Variants in ADAMTSL1 observed in about 807,000 individuals in gnomAD.
ADAMTSL1 encodes the protein ADAMTS-like protein 1.
Under a neutral mutation model 201.8 loss-of-function variants are expected in ADAMTSL1, and 126 were observed. The ratio of observed to expected loss-of-function variants is 0.62; its 90% CI spans 0.54 to 0.72. The LOEUF is 0.72. Among genes scored for constraint, ADAMTSL1 ranks in the 30% least tolerant of loss-of-function variants. The pLI, the probability that ADAMTSL1 is intolerant of heterozygous loss-of-function variation, is 0.00. For missense variants in ADAMTSL1, 2,679 were observed against 2,277.8 expected, an observed-to-expected ratio of 1.18 and a Z score of -3.59; for synonymous variants, 1,121 against 903.4, an observed-to-expected ratio of 1.24 and a Z score of -4.32.
At chr9:18,010,429 A>G (rs1446600689) in intron 1 of ADAMTSL1, among the ~76,000 whole-genome samples, 1 of 152,052 alleles carries the variant, frequency 6.6e-6, no homozygotes, top group Non-Finnish European at 1.5e-5. Flanking sequence ...AACACATCGA[A>G]ATAAAGGATT....
At chr9:18,594,189 A>C (rs1824108609) in intron 4 of ADAMTSL1, among the ~76,000 whole-genome samples, 1 of 147,700 alleles carries the variant, frequency 6.8e-6, no homozygotes, top group Non-Finnish European at 1.5e-5. Context: ...GTATTTTCCC[A>C]CTCCTTCCTG....
chr9:18,739,821 A>G (rs1352657537), intron 15 of ADAMTSL1, among the ~76,000 whole-genome samples: 2 of 152,112 alleles, frequency 1.3e-5, no homozygotes, highest in African/African-American at 4.8e-5. Context: ...CACTGCCCAC[A>G]GGGGTGTGTA....
At chr9:18,064,218 G>A (rs1206842936) in intron 1 of ADAMTSL1, among the ~76,000 whole-genome samples, 1 of 152,118 alleles carries the variant, frequency 6.6e-6, no homozygotes, top group Non-Finnish European at 1.5e-5. Flanking sequence ...GCAAGGAGAA[G>A]GGTGTGGGTT....
chr9:18,629,948 GGATT>G (rs1826641069), intron 5 of ADAMTSL1, among the ~76,000 whole-genome samples: 1 of 151,568 alleles, frequency 6.6e-6, no homozygotes, highest in South Asian at 2.1e-4. Context: ...TTCTGTGTTT[GGATT>G]GATTGATTTT....
intron 1 of ADAMTSL1, among the ~76,000 whole-genome samples, chr9:17,936,986 T>C (rs986941809): frequency 5.3e-5 from 8 of 152,122 alleles, no homozygotes; most frequent in African/African-American, 1.7e-4. Flanking sequence ...CCATGCAGGA[T>C]GCAGCATGGT....
At chr9:18,897,400 C>T (rs1829712780) in intron 26 of ADAMTSL1, among the ~76,000 whole-genome samples, 1 of 152,206 alleles carries the variant, frequency 6.6e-6, no homozygotes, top group African/African-American at 2.4e-5. Context: ...TTCCTGATCC[C>T]ATCCCTCCTG....
chr9:18,693,145 C>T (rs562704546), intron 13 of ADAMTSL1, among the ~76,000 whole-genome samples: 34 of 152,286 alleles, frequency 2.2e-4, no homozygotes, highest in African/African-American at 6.5e-4. Flanking sequence ...AATGCTCCAG[C>T]GCTTCACTGC....
chr9:18,062,846 T>G (rs1257221423), intron 1 of ADAMTSL1, among the ~76,000 whole-genome samples: 1 of 152,200 alleles, frequency 6.6e-6, no homozygotes, highest in Non-Finnish European at 1.5e-5. Flanking sequence ...GATGAAATCT[T>G]CCATTAAACA....
intron 2 of ADAMTSL1, among the ~76,000 whole-genome samples, chr9:18,433,816 T>C (rs1438284142): frequency 6.6e-6 from 1 of 152,214 alleles, no homozygotes; most frequent in African/African-American, 2.4e-5. Context: ...CATAAAATTG[T>C]AACAGATCTG....
intron 1 of ADAMTSL1, among the ~76,000 whole-genome samples, chr9:17,963,125 G>C (rs1755284): frequency 0.61 from 93,284 of 152,088 alleles, 29,071 homozygotes; most frequent in East Asian, 0.92. Flanking sequence ...TAGTTTGTGT[G>C]AAGTGGCCCA....
chr9:18,739,474 T>A (rs925893006), intron 15 of ADAMTSL1, among the ~76,000 whole-genome samples: 2 of 152,112 alleles, frequency 1.3e-5, no homozygotes, highest in African/African-American at 4.8e-5. Context: ...TCATGGATAA[T>A]CAAAAACAAA....
intron 2 of ADAMTSL1, among the ~76,000 whole-genome samples, chr9:18,346,513 G>A (rs1395358114): frequency 6.6e-6 from 1 of 152,122 alleles, no homozygotes; most frequent in Non-Finnish European, 1.5e-5. Context: ...GAGTCATCCA[G>A]GAGGTTGAAC....
intron 23 of ADAMTSL1, among the ~76,000 whole-genome samples, chr9:18,886,164 GTGTATATATA>G (rs1436956120): frequency 0.084 from 5,236 of 62,104 alleles, 674 homozygotes; most frequent in African/African-American, 0.23. Context: ...GAGTGTGTAT[GTGTATATATA>G]TATATATATA....
intron 2 of ADAMTSL1, among the ~76,000 whole-genome samples, chr9:18,522,589 C>A (rs540991346): frequency 1.4e-5 from 2 of 142,300 alleles, no homozygotes; most frequent in African/African-American, 2.7e-5. Flanking sequence ...ATCCCGCCCC[C>A]CTCCCCACAC....
intron 1 of ADAMTSL1, among the ~76,000 whole-genome samples, chr9:18,063,062 C>T (rs1822532033): frequency 1.3e-5 from 2 of 152,158 alleles, no homozygotes; most frequent in African/African-American, 4.8e-5. Context: ...GGTGTGGTAG[C>T]TCATGTCTGT....
At chr9:18,537,488 A>G (rs369133398) in intron 3 of ADAMTSL1, among the ~76,000 whole-genome samples, 1 of 152,180 alleles carries the variant, frequency 6.6e-6, no homozygotes, top group Admixed American at 6.5e-5. Flanking sequence ...GTATTGGAAG[A>G]TAAGAAAAAA....
At chr9:18,117,143 C>T (rs1289641579) in intron 1 of ADAMTSL1, among the ~76,000 whole-genome samples, 1 of 152,156 alleles carries the variant, frequency 6.6e-6, no homozygotes, top group Non-Finnish European at 1.5e-5. Context: ...CCACCATCTT[C>T]TCCTATTTGA....
At chr9:18,741,635 C>A (rs1417179748) in intron 15 of ADAMTSL1, among the ~76,000 whole-genome samples, 1 of 152,200 alleles carries the variant, frequency 6.6e-6, no homozygotes, top group Non-Finnish European at 1.5e-5. Context: ...TATTCCAAGA[C>A]TAGTGTCTGA....
intron 2 of ADAMTSL1, among the ~76,000 whole-genome samples, chr9:18,192,763 T>C (rs1829019340): frequency 6.6e-6 from 1 of 152,068 alleles, no homozygotes; most frequent in Non-Finnish European, 1.5e-5. Flanking sequence ...ACCAAAAATA[T>C]ACAATGCATG....
Sources: allele counts gnomAD v4.1 joint callset (sites outside exome capture counted in the v4.1 genomes callset), GRCh38; gene constraint gnomAD v4.1.1; transcripts MANE v1.5; gene names NCBI Gene and HGNC (gene_info 2026-07-23, HGNC 2026-07-21).